The following PIR variants were observed in gnomAD, a reference collection of about 807,000 sequenced individuals.
The protein encoded by PIR is pirin (iron-binding nuclear protein).
PIR carries 22 observed loss-of-function variants against 24.2 expected under a neutral mutation model. The observed-to-expected ratio is 0.91, with a 90% CI of 0.65 to 1.30. The LOEUF is 1.30. Ranked by LOEUF, PIR falls within the 50% of genes most tolerant of loss-of-function variation. The probability of loss-of-function intolerance (pLI) is 0.00; values close to 1 mark genes in which losing one functional copy is unlikely to be tolerated. For missense variants in PIR, 220 were observed against 220.3 expected, an observed-to-expected ratio of 1.00 and a Z score of 0.01; for synonymous variants, 80 against 79.6, an observed-to-expected ratio of 1.00 and a Z score of -0.03.
At position 15,407,615 on chromosome X, in the gene PIR, C is replaced by T. The variant is rs774494117; in HGVS notation, c.566-65G>A. On this transcript the variant is annotated intron_variant, in intron 6 of 9. Coordinates refer to ENST00000380420, the MANE Select transcript of PIR (RefSeq NM_001018109.3). ...ATGCCAAAAGGAACAAAGACATATA[C>T]GTATTACAAACACAAAGATAAATTT... The T allele has an allele frequency of 3.0e-5, 24 of 786,963 alleles. No homozygotes were observed. The African/African-American group carries it at 3.1e-4, about 10-fold the overall frequency. 64.9% of individuals were successfully genotyped at this position (786,963 alleles called of 1,213,427 possible).
intron 3 of PIR, among the ~76,000 whole-genome samples, chrX:15,461,444 G>C (rs770528280): frequency 2.7e-5 from 3 of 112,691 alleles, no homozygotes; most frequent in Non-Finnish European, 5.6e-5. Flanking sequence ...CAATAGAGTA[G>C]CCACTAGCGA....
Position 15,493,232 on chromosome X carries a change from C to G in PIR, c.-95G>C, listed in dbSNP as rs1162074651. On this transcript the variant is annotated 5_prime_UTR_variant, in exon 1 of 10. Coordinates refer to ENST00000380420, the MANE Select transcript of PIR (RefSeq NM_001018109.3). ...TGGAGCCTTAGCGGCGGGGGTGACG[C>G]GAAGAGCCGCCGGGAGCGAGTGCAG... 1.8e-5 allele frequency: 2 copies of G among 112,499 alleles called. No individual in the cohort carries two copies. The highest frequency in any genetic ancestry group is 3.8e-5 in the Non-Finnish European group (2 of 53,167). The allele number at this position is 112,499 out of a possible 1,213,427, so 9.3% of individuals were successfully genotyped here. A position where few individuals can be genotyped will look rare whatever the true frequency, so the allele number is the denominator to read the frequency against.
chrX:15,445,345 T>C lies in PIR; in HGVS notation c.480+10503A>G, dbSNP rs1236701009. ...GATCATCTTGAACAATGAGAACACT[T>C]GGACACAGGGCGGTGAACATCACAC... On this transcript the variant is annotated intron_variant, in intron 5 of 9. Transcript: ENST00000380420. Among the ~76,000 whole-genome samples, 5 of 110,638 alleles carry C rather than the reference T, an allele frequency of 4.5e-5. No individual in the cohort carries two copies. In the East Asian group the frequency reaches 1.4e-3, roughly 31 times the overall value.
At chrX:15,439,852 T>G (rs1925858823) in intron 5 of PIR, among the ~76,000 whole-genome samples, 1 of 112,123 alleles carries the variant, frequency 8.9e-6, no homozygotes, top group African/African-American at 3.2e-5. Context: ...AAGGATGGAC[T>G]CTAATGGTAC....
chrX:15,392,827 C>T (rs773440570), intron 8 of PIR, among the ~76,000 whole-genome samples: 11 of 112,372 alleles, frequency 9.8e-5, no homozygotes, highest in African/African-American at 3.2e-4. Flanking sequence ...TCAAAATATG[C>T]AAACATGAAC....
rs59774013 is a variant in PIR at position 15,486,298 on chromosome X, C to CAAAAAAAAAAAA, written c.96+4852_96+4863dup. 2.8e-4 allele frequency among the ~76,000 whole-genome samples: 11 copies of CAAAAAAAAAAAA among 39,672 alleles called. 1 individual carries two copies. Among genetic ancestry groups the CAAAAAAAAAAAA allele is most frequent in the African/African-American group, 1.3e-3 (10 of 7,765 alleles). 34.5% of individuals were successfully genotyped at this position (39,672 alleles called of 115,157 possible). On this transcript the variant is annotated intron_variant, in intron 2 of 9. Transcript: ENST00000380420. Reference sequence around the variant, plus strand: ...AGGGAGACAGAGTGAGACTCTGTCTCAAAAAAAAAAAAAGAAGGTCAATCA... The same window carrying CAAAAAAAAAAAA: ...AGGGAGACAGAGTGAGACTCTGTCTCAAAAAAAAAAAAAAAAAAAAAAAAAGAAGGTCAATCA...
chrX:15,430,130 C>T (rs904618347), intron 5 of PIR, among the ~76,000 whole-genome samples: 1 of 111,793 alleles, frequency 8.9e-6, no homozygotes, highest in African/African-American at 3.3e-5. Context: ...ACAAATTGGT[C>T]CATAAGAAAC....
At chrX:15,402,119 G>C (rs1307228308) in intron 7 of PIR, among the ~76,000 whole-genome samples, 5 of 111,664 alleles carry the variant, frequency 4.5e-5, no homozygotes, top group African/African-American at 1.6e-4. Context: ...TTCAAGACCA[G>C]CCTAGGCAAC....
chrX:15,484,720 A>G (rs192822192), intron 2 of PIR, among the ~76,000 whole-genome samples: 156 of 111,717 alleles, frequency 1.4e-3, no homozygotes, highest in African/African-American at 4.3e-3. Context: ...TGTTATTGAA[A>G]ACTGAAGGAA....
At chrX:15,460,592 C>A (rs1921260446) in intron 3 of PIR, among the ~76,000 whole-genome samples, 1 of 111,330 alleles carries the variant, frequency 9.0e-6, no homozygotes, top group African/African-American at 3.3e-5. Context: ...AGGGTACAAA[C>A]TTGCAGTGAC....
chrX:15,390,607 G>A (rs1923927827), intron 8 of PIR, among the ~76,000 whole-genome samples: 1 of 111,179 alleles, frequency 9.0e-6, no homozygotes, highest in African/African-American at 3.3e-5. Context: ...ATTTTTAAAA[G>A]GGAAGATTAG....
chrX:15,439,363 A>G (rs1925844569), intron 5 of PIR, among the ~76,000 whole-genome samples: 1 of 112,673 alleles, frequency 8.9e-6, no homozygotes, highest in Non-Finnish European at 1.9e-5. Context: ...TGTTGCAATG[A>G]TAATATTTTG....
At chrX:15,411,022 T>C (rs1924726286) in intron 6 of PIR, among the ~76,000 whole-genome samples, 1 of 111,897 alleles carries the variant, frequency 8.9e-6, no homozygotes. Context: ...TCTTTCTTTC[T>C]TCCCTCACCT....
intron 5 of PIR, among the ~76,000 whole-genome samples, chrX:15,453,278 G>A (rs746139614): frequency 7.0e-4 from 78 of 112,096 alleles, no homozygotes; most frequent in African/African-American, 2.4e-3. Context: ...TCAAGTTACC[G>A]TAAATTAATC....
In PIR at chrX:15,425,971, G is replaced by A. The variant is rs953093600; in HGVS notation, c.500C>T (p.Thr167Ile). The change falls in exon 6 of 10, where the codon ACA (threonine) becomes ATA (isoleucine). Residue 167 changes from threonine (T) to isoleucine (I), a missense_variant. Coordinates refer to ENST00000380420, the MANE Select transcript of PIR (RefSeq NM_001018109.3). ...TTTGAAGTCCAAATATAAGGTTGGTGTGCGAGTGTAAACCTTGGACTGAAA... is the reference window on the plus strand; with the variant it reads ...TTTGAAGTCCAAATATAAGGTTGGTATGCGAGTGTAAACCTTGGACTGAAA... ...LGIKSKVYTR[T>I]PTLYLDFKLD... 15 of 1,184,566 alleles carry A rather than the reference G, an allele frequency of 1.3e-5. No individual in the cohort carries two copies. The highest frequency in any genetic ancestry group is 1.5e-5 in the Non-Finnish European group (13 of 872,513).
intron 5 of PIR, among the ~76,000 whole-genome samples, chrX:15,435,156 G>A (rs1925710834): frequency 9.1e-6 from 1 of 109,597 alleles, no homozygotes; most frequent in Non-Finnish European, 1.9e-5. Context: ...GATTGCAGTG[G>A]ACTGACATTG....
intron 9 of PIR, among the ~76,000 whole-genome samples, chrX:15,385,783 C>CAAAAGTGAAT (rs1483558086): frequency 8.9e-6 from 1 of 112,084 alleles, no homozygotes; most frequent in East Asian, 2.8e-4. Flanking sequence ...ATAGATAATG[C>CAAAAGTGAAT]AAAAGTGAAT....
At chrX:15,385,899 G>A (rs774239756) in intron 9 of PIR, among the ~76,000 whole-genome samples, 1 of 112,047 alleles carries the variant, frequency 8.9e-6, no homozygotes, top group South Asian at 3.7e-4. Context: ...TGCTGGGTCT[G>A]AACTCGGATT....
chrX:15,397,331 A>G, intron 8 of PIR, 118 bp downstream of exon 8: 1 of 525,195 alleles, frequency 1.9e-6, no homozygotes, highest in Non-Finnish European at 3.4e-6. Context: ...AACTTCTGGT[A>G]TAATTTCTTC....
Sources: gnomAD v4.1 joint callset for allele counts (sites outside exome capture counted in the v4.1 genomes callset) on GRCh38, gnomAD v4.1.1 for gene constraint, MANE v1.5 for transcripts, NCBI Gene and HGNC (gene_info 2026-07-23, HGNC 2026-07-21) for gene names.